Variants in MSL3 observed in about 807,000 individuals in gnomAD.
MSL3 encodes MSL complex subunit 3.
A neutral mutation model predicts 37.2 loss-of-function variants in MSL3; 5 were observed. The ratio of observed to expected loss-of-function variants is 0.13; its 90% confidence interval spans 0.07 to 0.28. The LOEUF is 0.28. MSL3 is among the 10% of genes least tolerant of loss of function. MSL3 has a pLI of 1.00. For missense variants in MSL3, 315 were observed against 408.5 expected, an observed-to-expected ratio of 0.77 and a Z score of 1.97; for synonymous variants, 149 against 147.6, an observed-to-expected ratio of 1.01 and a Z score of -0.07.
At position 11,774,861 on chromosome X, in the gene MSL3, A is replaced by AT. The variant is rs943279171; in HGVS notation, c.1467-112dup. On this transcript the variant is annotated intron_variant, in intron 12 of 12. Coordinates refer to ENST00000312196, the MANE Select transcript of MSL3 (RefSeq NM_078629.4). Reference sequence around the variant, plus strand: ...GTATAGAGAGATCAAAATTATAGTCATTTTTTTCTTCCTAATACCAAAAAA... The same window carrying AT: ...GTATAGAGAGATCAAAATTATAGTCATTTTTTTTCTTCCTAATACCAAAAAA... 58 of 502,057 alleles carry AT rather than the reference A, an allele frequency of 1.2e-4. No individual in the cohort carries two copies. In the African/African-American group the frequency reaches 1.4e-3, roughly 12 times the overall value. 41.4% of individuals were successfully genotyped at this position (502,057 alleles called of 1,213,427 possible). A position where few individuals can be genotyped will look rare whatever the true frequency, so the allele number is the denominator to read the frequency against.
Position 11,775,075 on chromosome X carries a change from A to G in MSL3, c.1562A>G (p.Tyr521Cys), listed in dbSNP as rs752067112. 5 of 1,194,980 alleles carry G rather than the reference A, an allele frequency of 4.2e-6. No individual in the cohort carries two copies. In the East Asian group the frequency reaches 8.9e-5, roughly 21 times the overall value. The change falls in exon 13 of 13, where the codon TAT becomes TGT. Residue 521 changes from tyrosine (Y) to cysteine (C), a missense_variant. Coordinates refer to ENST00000312196, the MANE Select transcript of MSL3 (RefSeq NM_078629.4). ...AGCACCAAGAACCCCCGGGCAATTTATTAAAATGTTGTTGGTTCTGTAAGA... is the reference window on the plus strand; with the variant it reads ...AGCACCAAGAACCCCCGGGCAATTTGTTAAAATGTTGTTGGTTCTGTAAGA... ...HYSTKNPRAI[Y>C]
chrX:11,762,974 G>A lies in MSL3; in HGVS notation c.726G>A (p.Val242=). Residue 242 remains valine, a synonymous_variant, in exon 7 of 13, where the codon GTG becomes GTA. Coordinates refer to ENST00000312196, the MANE Select transcript of MSL3 (RefSeq NM_078629.4). The part of the protein sequence containing the change: ...HHVMPHANMN[V]HYIPAEKNVD... Reference sequence around the variant, plus strand: ...TTATGCCACATGCCAACATGAACGTGCATTATATCCCAGCAGAAAAGAAGT... The same window carrying A: ...TTATGCCACATGCCAACATGAACGTACATTATATCCCAGCAGAAAAGAAGT... 8.3e-7 allele frequency: 1 copy of A among 1,207,668 alleles called. No individual in the cohort carries two copies. The highest frequency in any genetic ancestry group is 3.0e-5 in the East Asian group (1 of 33,628).
At chrX:11,771,221 T>C (rs770506781) in intron 10 of MSL3, among the ~76,000 whole-genome samples, 9 of 112,494 alleles carry the variant, frequency 8.0e-5, no homozygotes, top group Non-Finnish European at 1.1e-4. Context: ...ACTGTTTCCA[T>C]ATTGAATATG....
Position 11,758,321 on chromosome X carries a change from T to C in MSL3, c.58T>C (p.Phe20Leu). 2 of 1,135,274 alleles carry C rather than the reference T, an allele frequency of 1.8e-6. No homozygotes were observed. The highest frequency in any genetic ancestry group is 2.3e-6 in the Non-Finnish European group (2 of 854,683). The allele number at this position is 1,135,274 out of a possible 1,213,427, so 93.6% of individuals were successfully genotyped here. Reference sequence around the variant, plus strand: ...CCACTCAGGGGAGAAAGTGCTGTGCTTCGAGCCTGACCCCACCAAGGCGCG... The same window carrying C: ...CCACTCAGGGGAGAAAGTGCTGTGCCTCGAGCCTGACCCCACCAAGGCGCG... ...KFHSGEKVLCFEPDPTKARVL... is the reference protein window; with the variant it reads ...KFHSGEKVLCLEPDPTKARVL... Residue 20 changes from phenylalanine (F) to leucine (L), a missense_variant, in exon 1 of 13, where the codon TTC becomes CTC. By Grantham distance (22) the Phe-to-Leu change is conservative. Transcript: ENST00000312196.
chrX:11,764,820 A>C (rs143698611), intron 8 of MSL3, among the ~76,000 whole-genome samples: 1 of 111,182 alleles, frequency 9.0e-6, no homozygotes, highest in African/African-American at 3.3e-5. Flanking sequence ...CCTCTCAGCC[A>C]TCCTTCCTTT....
At chrX:11,767,259 GA>G (rs2053191985) in intron 9 of MSL3, 4 of 754,183 alleles carry the variant, frequency 5.3e-6, no homozygotes, top group Non-Finnish European at 6.3e-6. Context: ...GAAGCCCTTT[GA>G]ATAATCAAGT....
chrX:11,765,642 T>C lies in MSL3; in HGVS notation c.1084T>C (p.Ser362Pro), dbSNP rs762239535. The stretch of plus-strand genomic sequence containing the variant: ...CCACAGTGCCAACTGTGACAGGCTT[T>C]CTGAGAGCAGCGCTTCACCTCAGCC... ...TRHSANCDRL[S>P]ESSASPQPKR... Residue 362 changes from serine (S) to proline (P), a missense_variant, in exon 9 of 13, where the codon TCT becomes CCT. Ser to Pro is a moderately conservative substitution (Grantham distance 74). Transcript: ENST00000312196. 1 of 1,211,594 alleles carries C rather than the reference T, an allele frequency of 8.3e-7. No individual in the cohort carries two copies. Among genetic ancestry groups the C allele is most frequent in the Non-Finnish European group, 1.1e-6 (1 of 895,379 alleles).
chrX:11,773,466 G>C (rs1253091036), intron 12 of MSL3, among the ~76,000 whole-genome samples: 1 of 112,272 alleles, frequency 8.9e-6, no homozygotes, highest in Non-Finnish European at 1.9e-5. Context: ...AGAGTGGAGA[G>C]TATCCCAGCC....
chrX:11,764,141 C>T lies in MSL3; in HGVS notation c.908+203C>T, dbSNP rs138242430. On this transcript the variant is annotated intron_variant, in intron 8 of 12. Transcript: ENST00000312196. ...TTCATATGGCTCTGGCAGATTTTAC[C>T]AAGTGAAGACCCCAGCATAGAGAAC... 4.3e-3 allele frequency: 1,558 copies of T among 365,149 alleles called. 16 individuals are homozygous for T. The highest frequency in any genetic ancestry group is 0.035 in the African/African-American group (1,355 of 38,260). 30.1% of individuals were successfully genotyped at this position (365,149 alleles called of 1,213,427 possible).
chrX:11,759,466 GACT>G, intron 1 of MSL3: 1 of 372,368 alleles, frequency 2.7e-6, no homozygotes, highest in Non-Finnish European at 3.9e-6. Flanking sequence ...GAGCCCAGGA[GACT>G]ACAACTCCCA....
intron 1 of MSL3, chrX:11,758,619 G>A (rs2053096206): frequency 8.7e-7 from 1 of 1,144,805 alleles, no homozygotes; most frequent in Non-Finnish European, 1.2e-6. Context: ...GCTTTGTCGC[G>A]TTACCGGGGC....
intron 1 of MSL3, among the ~76,000 whole-genome samples, chrX:11,759,350 A>AGGGGG (rs371619058): frequency 2.0e-5 from 2 of 102,461 alleles, no homozygotes; most frequent in African/African-American, 7.1e-5. Flanking sequence ...CTCGGGGCGG[A>AGGGGG]GGGGGGGGGG....
At chrX:11,773,102 A>G (rs1227215106) in intron 12 of MSL3, among the ~76,000 whole-genome samples, 1 of 112,505 alleles carries the variant, frequency 8.9e-6, no homozygotes, top group Non-Finnish European at 1.9e-5. Flanking sequence ...TACATAAACT[A>G]ACTTAAATAG....
At chrX:11,773,700 G>A (rs1233864929) in intron 12 of MSL3, among the ~76,000 whole-genome samples, 2 of 112,348 alleles carry the variant, frequency 1.8e-5, no homozygotes, top group Non-Finnish European at 3.8e-5. Flanking sequence ...TCAGTTGCAG[G>A]ATAGCATAGG....
chrX:11,759,829 A>G lies in MSL3; in HGVS notation c.139A>G (p.Arg47Gly). 1 of 1,211,743 alleles carries G rather than the reference A, an allele frequency of 8.3e-7. No individual in the cohort carries two copies. The highest frequency in any genetic ancestry group is 1.1e-6 in the Non-Finnish European group (1 of 895,407). Residue 47 changes from arginine (R) to glycine (G), a missense_variant, in exon 2 of 13, where the codon AGA (arginine) becomes GGA (glycine). Coordinates refer to ENST00000312196, the MANE Select transcript of MSL3 (RefSeq NM_078629.4). ...DVIVGKDEKG[R>G]KIPEYLIHFN... ...TATTGTTGGGAAAGACGAAAAAGGC[A>G]GAAAGATCCCAGAATATCTGATCCA...
Position 11,766,713 on chromosome X carries a change from C to T in MSL3, c.1171+984C>T, listed in dbSNP as rs981850208. ...GGAGGCAGCTTGCATGCCTGTCCCC[C>T]GGCACACTGTGTGGAGGTGGAAACA... On this transcript the variant is annotated intron_variant, in intron 9 of 12. Transcript: ENST00000312196. 9.3e-6 allele frequency: 7 copies of T among 753,098 alleles called. No homozygotes were observed. In the South Asian group the frequency reaches 2.0e-4, roughly 22 times the overall value. The allele number at this position is 753,098 out of a possible 1,213,427, so 62.1% of individuals were successfully genotyped here.
intron 6 of MSL3, 47 bp downstream of exon 6, chrX:11,762,299 T>G (rs751964769): frequency 1.9e-6 from 2 of 1,080,330 alleles, no homozygotes; most frequent in Non-Finnish European, 2.5e-6. Flanking sequence ...GGCATTTTCA[T>G]TTTGCCATAG....
At chrX:11,774,636 A>G (rs2053258939) in intron 12 of MSL3, among the ~76,000 whole-genome samples, 1 of 111,692 alleles carries the variant, frequency 9.0e-6, no homozygotes, top group Non-Finnish European at 1.9e-5. Context: ...GTTGTTTTTA[A>G]TAGTTTGTTT....
In MSL3 at chrX:11,765,495, C is replaced by A; in HGVS notation, c.937C>A (p.Pro313Thr). 8.3e-7 allele frequency: 1 copy of A among 1,200,790 alleles called. No homozygotes were observed. The highest frequency in any genetic ancestry group is 2.2e-5 in the Admixed American group (1 of 44,454). ...RSQEELSPSP[P>T]LLNPSTPQST... ...CCAGGAGGAACTCTCTCCCAGTCCGCCTTTGTTGAATCCATCCACGCCACA... is the reference window on the plus strand; with the variant it reads ...CCAGGAGGAACTCTCTCCCAGTCCGACTTTGTTGAATCCATCCACGCCACA... Residue 313 changes from proline (P) to threonine (T), a missense_variant, in exon 9 of 13, where the codon CCT becomes ACT. Coordinates refer to ENST00000312196, the MANE Select transcript of MSL3 (RefSeq NM_078629.4).
Sources: allele counts gnomAD v4.1 joint callset (sites outside exome capture counted in the v4.1 genomes callset), GRCh38; gene constraint gnomAD v4.1.1; transcripts MANE v1.5; gene names NCBI Gene and HGNC (gene_info 2026-07-23, HGNC 2026-07-21).